Variants in PIP5K1C observed in about 807,000 individuals in gnomAD.
PIP5K1C encodes phosphatidylinositol 4-phosphate 5-kinase type-1 gamma.
In PIP5K1C, 45 loss-of-function variants were observed where a neutral mutation model predicts 80.1. The ratio of observed to expected loss-of-function variants is 0.56; its 90% CI spans 0.44 to 0.72. The LOEUF (loss-of-function observed/expected upper bound fraction) is 0.72. Ranked by LOEUF, PIP5K1C falls within the 30% of genes least tolerant of loss-of-function variation. The pLI, the probability that PIP5K1C is intolerant of heterozygous loss-of-function variation, is 0.00. For missense variants in PIP5K1C, 753 were observed against 954.6 expected (o/e 0.79, Z 2.78); for synonymous variants, 498 against 420.1 (o/e 1.19, Z -2.27).
chr19:3,662,491 T>A (rs1600009907), intron 3 of PIP5K1C, among the ~76,000 whole-genome samples: 1 of 152,230 alleles, frequency 6.6e-6, no homozygotes, highest in Non-Finnish European at 1.5e-5. Flanking sequence ...TGCCTCAGTT[T>A]CCCTGCCTGT....
At position 3,662,843 on chromosome 19, in the gene PIP5K1C, C is replaced by T. The variant is rs530059962; in HGVS notation, c.220-842G>A. 2.5e-4 allele frequency among the ~76,000 whole-genome samples: 38 copies of T among 149,994 alleles called. No individual in the cohort carries two copies. In the East Asian group the frequency reaches 6.9e-3, roughly 27 times the overall value. On this transcript the variant is annotated intron_variant, in intron 3 of 17. Coordinates refer to ENST00000335312, the MANE Select transcript of PIP5K1C (RefSeq NM_012398.3). ...GGCCTCCCAAAATGCTGCGATTGCA[C>T]GTGTGAGCCAGCACGCCGGCCCCGT...
At chr19:3,672,242 G>A (rs1468044286) in intron 1 of PIP5K1C, among the ~76,000 whole-genome samples, 3 of 152,234 alleles carry the variant, frequency 2.0e-5, no homozygotes, top group Non-Finnish European at 2.9e-5. Context: ...GGGCCACATG[G>A]CCGCCTCTGC....
At chr19:3,682,299 A>G (rs1365308176) in intron 1 of PIP5K1C, among the ~76,000 whole-genome samples, 1 of 150,770 alleles carries the variant, frequency 6.6e-6, no homozygotes, top group Admixed American at 6.6e-5. Context: ...GCTCAAACCC[A>G]GGAGGCAGAG....
In PIP5K1C at chr19:3,651,898, G is replaced by A. The variant is rs763729810; in HGVS notation, c.1055C>T (p.Ala352Val). 4.3e-6 allele frequency: 7 copies of A among 1,612,704 alleles called. No individual in the cohort carries two copies. The highest frequency in any genetic ancestry group is 4.0e-5 in the African/African-American group (3 of 74,948). ...GGACTCCATGGCCGTGGAGTAGAGCGCCTTCTGGCCCACAGGCCGCTTCTC... is the reference window on the plus strand; with the variant it reads ...GGACTCCATGGCCGTGGAGTAGAGCACCTTCTGGCCCACAGGCCGCTTCTC... ...SDEKRPVGQK[A>V]LYSTAMESIQ... Residue 352 changes from alanine (A) to valine (V), a missense_variant, in exon 8 of 18, where the codon GCG (alanine) becomes GTG (valine). Physicochemically the swap from Ala to Val is moderately conservative, Grantham distance 64. Coordinates refer to ENST00000335312, the MANE Select transcript of PIP5K1C (RefSeq NM_012398.3).
chr19:3,657,074 C>A (rs1433122927), intron 5 of PIP5K1C, among the ~76,000 whole-genome samples: 1 of 152,212 alleles, frequency 6.6e-6, no homozygotes, highest in Non-Finnish European at 1.5e-5. Flanking sequence ...CCACACTGGA[C>A]TAGAAGGTAA....
intron 16 of PIP5K1C, 134 bp downstream of exon 16, chr19:3,638,750 G>A: frequency 7.1e-6 from 8 of 1,134,450 alleles, no homozygotes; most frequent in Non-Finnish European, 1.0e-5. Context: ...TGGTGAGAGA[G>A]CATGTGGGTG....
In PIP5K1C at chr19:3,696,466, G is replaced by A. The variant is rs574556753; in HGVS notation, c.94+3831C>T. ...GTGGCACAATCAGGGAAGAGGAACC[G>A]GGAGGGCAGGGGACGGAGAAGGGGA... On this transcript the variant is annotated intron_variant, in intron 1 of 17. Coordinates refer to ENST00000335312, the MANE Select transcript of PIP5K1C (RefSeq NM_012398.3). This position sits in a 1 kb window ranked among gnomAD's most constrained non-coding sequence, Gnocchi z 4.1. Among the ~76,000 whole-genome samples the A allele has an allele frequency of 2.0e-5, 3 of 152,290 alleles. No individual in the cohort carries two copies. The highest frequency in any genetic ancestry group is 2.9e-5 in the Non-Finnish European group (2 of 68,026).
chr19:3,695,618 C>T (rs527403575), intron 1 of PIP5K1C, among the ~76,000 whole-genome samples: 1 of 152,328 alleles, frequency 6.6e-6, no homozygotes, highest in Non-Finnish European at 1.5e-5. Context: ...GACCTGCATC[C>T]CGGGAGGCGG....
chr19:3,676,244 G>C (rs182975490), intron 1 of PIP5K1C, among the ~76,000 whole-genome samples: 1 of 152,318 alleles, frequency 6.6e-6, no homozygotes, highest in East Asian at 1.9e-4. Context: ...GTCCCCACCG[G>C]GAAGTGATGA....
chr19:3,659,506 G>A (rs1163520161), intron 5 of PIP5K1C, among the ~76,000 whole-genome samples: 2 of 152,234 alleles, frequency 1.3e-5, no homozygotes, highest in African/African-American at 4.8e-5. Flanking sequence ...TACGAGCCAG[G>A]CTGCTGCCTT....
chr19:3,694,199 G>A lies in PIP5K1C; in HGVS notation c.94+6098C>T, dbSNP rs575627127. On this transcript the variant is annotated intron_variant, in intron 1 of 17. Transcript: ENST00000335312. The stretch of plus-strand genomic sequence containing the variant: ...TGCACTCCAGCCCGGGCGAGACAGC[G>A]AGACTCCATCTCAAAAAAAAAAAAA... Among the ~76,000 whole-genome samples the A allele has an allele frequency of 1.3e-3, 192 of 143,568 alleles. 2 individuals are homozygous for A. Among genetic ancestry groups the A allele is most frequent in the African/African-American group, 4.0e-3 (155 of 38,468 alleles). 94.2% of individuals were successfully genotyped at this position (143,568 alleles called of 152,430 possible). A position where few individuals can be genotyped will look rare whatever the true frequency, so the allele number is the denominator to read the frequency against.
intron 8 of PIP5K1C, among the ~76,000 whole-genome samples, chr19:3,651,307 T>C (rs187710937): frequency 6.6e-5 from 10 of 152,148 alleles, no homozygotes; most frequent in Non-Finnish European, 1.3e-4. Flanking sequence ...CCTCCCACCT[T>C]GGTCTCCCAA....
rs1262732451 is a variant in PIP5K1C at position 3,644,034 on chromosome 19, C to G, written c.1510+53G>C. On this transcript the variant is annotated intron_variant, in intron 12 of 17. Coordinates refer to ENST00000335312, the MANE Select transcript of PIP5K1C (RefSeq NM_012398.3). ...AGGCGGCACCCCACCCACGGGGCTG[C>G]TGCTGGCACCCCCTGTAGCGCCCAC... 1.9e-6 allele frequency: 3 copies of G among 1,596,276 alleles called. No individual in the cohort carries two copies. In the East Asian group the frequency reaches 6.7e-5, roughly 36 times the overall value.
In PIP5K1C at chr19:3,647,350, G is replaced by A. The variant is rs139267106; in HGVS notation, c.1248C>T (p.Leu416=). 20 of 1,578,618 alleles carry A rather than the reference G, an allele frequency of 1.3e-5. No individual in the cohort carries two copies. Among genetic ancestry groups the A allele is most frequent in the African/African-American group, 5.4e-5 (4 of 73,824 alleles). Reference sequence around the variant, plus strand: ...TGCAGGCGCTCACCCCATCGTGGACGAGGGCCTTCCAGGTGTGCTCCAGTT... The same window carrying A: ...TGCAGGCGCTCACCCCATCGTGGACAAGGGCCTTCCAGGTGTGCTCCAGTT... ...IKKLEHTWKA[L]VHDGDTVSVH... Residue 416 remains leucine (L), a synonymous_variant, in exon 10 of 18, where the codon CTC becomes CTT. Transcript: ENST00000335312.
intron 6 of PIP5K1C, 121 bp from the exon 7 acceptor site, chr19:3,653,710 C>CGAGGGCTTCTGGGGAG: frequency 1.1e-6 from 1 of 939,594 alleles, no homozygotes; most frequent in Non-Finnish European, 1.6e-6. Context: ...CCTCTCTCCC[C>CGAGGGCTTCTGGGGAG]AGAAGCCCTC....
At chr19:3,656,955 G>A (rs1369479052) in intron 5 of PIP5K1C, among the ~76,000 whole-genome samples, 1 of 152,258 alleles carries the variant, frequency 6.6e-6, no homozygotes, top group Non-Finnish European at 1.5e-5. Context: ...ACTCAGGGAA[G>A]GCTCCACAGA....
At chr19:3,667,118 C>T (rs539374932) in intron 2 of PIP5K1C, among the ~76,000 whole-genome samples, 1 of 152,308 alleles carries the variant, frequency 6.6e-6, no homozygotes, top group East Asian at 1.9e-4. Flanking sequence ...TGCAGGGCCC[C>T]CTCCTCCATC....
chr19:3,655,771 G>A lies in PIP5K1C; in HGVS notation c.621+634C>T, dbSNP rs956934002. Among the ~76,000 whole-genome samples, 6 of 152,188 alleles carry A rather than the reference G, an allele frequency of 3.9e-5. No individual in the cohort carries two copies. The East Asian group carries it at 5.8e-4, about 15-fold the overall frequency. ...AGGCTGTGCTGTGCTGCCCAGGGCCGGGCAGCAGCTTGGGCCTGGCAACAT... is the reference window on the plus strand; with the variant it reads ...AGGCTGTGCTGTGCTGCCCAGGGCCAGGCAGCAGCTTGGGCCTGGCAACAT... On this transcript the variant is annotated intron_variant, in intron 6 of 17. Coordinates refer to ENST00000335312, the MANE Select transcript of PIP5K1C (RefSeq NM_012398.3).
chr19:3,637,646 G>A lies in PIP5K1C; in HGVS notation c.1920+1238C>T. ...GGGCGGGCCGGGTGGGCCGGAGGAGGAAGGAAAACAGAGGACAGCGGATGA... is the reference window on the plus strand; with the variant it reads ...GGGCGGGCCGGGTGGGCCGGAGGAGAAAGGAAAACAGAGGACAGCGGATGA... On this transcript the variant is annotated intron_variant, in intron 16 of 17. Transcript: ENST00000335312. This position sits in a 1 kb window ranked among gnomAD's most constrained non-coding sequence, Gnocchi z 7.0. The A allele has an allele frequency of 2.0e-6, 3 of 1,514,894 alleles. No individual in the cohort carries two copies. In the South Asian group the frequency reaches 3.7e-5, roughly 19 times the overall value. 93.8% of individuals were successfully genotyped at this position (1,514,894 alleles called of 1,614,324 possible).
Sources: allele counts gnomAD v4.1 joint callset (sites outside exome capture counted in the v4.1 genomes callset), GRCh38; gene constraint gnomAD v4.1.1; non-coding constraint Gnocchi (gnomAD v3.1); transcripts MANE v1.5; gene names NCBI Gene and HGNC (gene_info 2026-07-23, HGNC 2026-07-21).